BMPR1B: variants seen among roughly 807,000 people sequenced by gnomAD.
The protein encoded by BMPR1B is bone morphogenetic protein receptor type-1B.
BMPR1B carries 12 observed loss-of-function variants against 59.1 expected under a neutral mutation model. The observed-to-expected ratio is 0.20, with a 90% CI of 0.13 to 0.33. BMPR1B has a LOEUF of 0.33. Ranked by LOEUF, BMPR1B falls within the 10% of genes least tolerant of loss-of-function variation. The pLI, the probability that BMPR1B is intolerant of heterozygous loss-of-function variation, is 1.00. For missense variants in BMPR1B, 550 were observed against 610.9 expected (o/e 0.90, Z 1.05); for synonymous variants, 237 against 207.3 (o/e 1.14, Z -1.23).
intron 12 of BMPR1B, among the ~76,000 whole-genome samples, chr4:95,154,003 A>G (rs1393145931): frequency 5.3e-5 from 8 of 152,206 alleles, no homozygotes; most frequent in Non-Finnish European, 1.2e-4. Context: ...GTGTTACTTG[A>G]TATCTCTTCA....
At chr4:94,776,008 A>G (rs960777755) in intron 1 of BMPR1B, among the ~76,000 whole-genome samples, 2 of 151,584 alleles carry the variant, frequency 1.3e-5, no homozygotes, top group African/African-American at 4.8e-5. Context: ...GGAGAATGGC[A>G]TGAACCTGGG....
chr4:94,774,173 G>A (rs1286043565), intron 1 of BMPR1B, among the ~76,000 whole-genome samples: 2 of 151,876 alleles, frequency 1.3e-5, no homozygotes, highest in African/African-American at 4.8e-5. Context: ...CCTATGACAC[G>A]TCAGTATTTG....
chr4:94,763,384 T>C (rs1721852241), intron 1 of BMPR1B, among the ~76,000 whole-genome samples: 1 of 151,998 alleles, frequency 6.6e-6, no homozygotes, highest in Non-Finnish European at 1.5e-5. Context: ...AGGCATTCAG[T>C]AAATAGTTGT....
Position 95,005,715 on chromosome 4 carries a change from AT to A in BMPR1B, c.-18+9591del, listed in dbSNP as rs566685670. Among the ~76,000 whole-genome samples the A allele has an allele frequency of 3.3e-3, 498 of 149,744 alleles. 3 individuals carry two copies. The highest frequency in any genetic ancestry group is 0.012 in the African/African-American group (483 of 40,824). On this transcript the variant is annotated intron_variant, in intron 3 of 12. Transcript: ENST00000515059. ...TTCTGTTATACCAAGTTGTTAACTG[AT>A]TTTTTTTTTAAATTTCAACTTTTCC...
At chr4:94,870,718 T>A (rs529406414) in intron 1 of BMPR1B, among the ~76,000 whole-genome samples, 1 of 152,294 alleles carries the variant, frequency 6.6e-6, no homozygotes. Flanking sequence ...TCAGCAAAAA[T>A]TAGCCTCTAT....
chr4:95,046,360 T>A (rs1726062114), intron 3 of BMPR1B, among the ~76,000 whole-genome samples: 1 of 152,210 alleles, frequency 6.6e-6, no homozygotes, highest in African/African-American at 2.4e-5. Context: ...AAGCTTTTCA[T>A]GTGAGAGGCA....
At chr4:94,953,069 C>A (rs1730008799) in intron 2 of BMPR1B, among the ~76,000 whole-genome samples, 1 of 152,108 alleles carries the variant, frequency 6.6e-6, no homozygotes, top group Admixed American at 6.6e-5. Flanking sequence ...TTATCAGAGA[C>A]TAGGATTGCA....
chr4:95,072,717 T>C (rs1243411099), intron 3 of BMPR1B, among the ~76,000 whole-genome samples: 1 of 152,194 alleles, frequency 6.6e-6, no homozygotes, highest in African/African-American at 2.4e-5. Flanking sequence ...TTTATCCTTT[T>C]TACATTTTGT....
chr4:95,025,300 A>G (rs1166210229), intron 3 of BMPR1B, among the ~76,000 whole-genome samples: 8 of 151,984 alleles, frequency 5.3e-5, no homozygotes, highest in African/African-American at 1.9e-4. Flanking sequence ...AAATTGGGAG[A>G]TGTTAGGCAG....
At chr4:95,118,804 A>G (rs1732258697) in intron 6 of BMPR1B, among the ~76,000 whole-genome samples, 1 of 152,210 alleles carries the variant, frequency 6.6e-6, no homozygotes, top group South Asian at 2.1e-4. Flanking sequence ...CAGCAGAAAC[A>G]AAAGGTTTAT....
At chr4:95,132,556 A>G (rs112051656) in intron 10 of BMPR1B, among the ~76,000 whole-genome samples, 1 of 152,242 alleles carries the variant, frequency 6.6e-6, no homozygotes, top group Non-Finnish European at 1.5e-5. Flanking sequence ...TGGGCTATAG[A>G]TTTAAGTTAG....
chr4:94,809,887 A>T (rs1723747692), intron 1 of BMPR1B, among the ~76,000 whole-genome samples: 1 of 152,266 alleles, frequency 6.6e-6, no homozygotes. Flanking sequence ...GAGAGGCCTT[A>T]GATGGCAGTT....
intron 3 of BMPR1B, among the ~76,000 whole-genome samples, chr4:95,002,401 C>A (rs920346246): frequency 1.3e-5 from 2 of 151,990 alleles, no homozygotes; most frequent in Non-Finnish European, 2.9e-5. Context: ...CTAGGTCGAC[C>A]CCATGTCTTT....
chr4:95,090,022 C>T (rs1399115595), intron 3 of BMPR1B, among the ~76,000 whole-genome samples: 1 of 151,988 alleles, frequency 6.6e-6, no homozygotes, highest in East Asian at 1.9e-4. Flanking sequence ...CAGGGTGTTA[C>T]TCGGAAATTG....
chr4:94,948,546 G>A (rs1729804586), intron 2 of BMPR1B, among the ~76,000 whole-genome samples: 1 of 152,044 alleles, frequency 6.6e-6, no homozygotes. Flanking sequence ...TAAAAGCAAG[G>A]AAAAAGGAAA....
intron 4 of BMPR1B, among the ~76,000 whole-genome samples, chr4:95,109,670 G>A (rs538548640): frequency 2.0e-5 from 3 of 149,148 alleles, no homozygotes; most frequent in African/African-American, 7.4e-5. Flanking sequence ...GCACCTAAGA[G>A]AATGGTGGGT....
At chr4:94,936,152 G>T (rs1056047993) in intron 2 of BMPR1B, among the ~76,000 whole-genome samples, 4 of 152,140 alleles carry the variant, frequency 2.6e-5, no homozygotes, top group Admixed American at 1.3e-4. Flanking sequence ...TGGTATTCAT[G>T]CTGTGGAGCT....
At chr4:95,094,881 G>A (rs952960994) in intron 3 of BMPR1B, among the ~76,000 whole-genome samples, 20 of 151,956 alleles carry the variant, frequency 1.3e-4, no homozygotes, top group African/African-American at 4.3e-4. Flanking sequence ...AAAGATTCCT[G>A]TGTAGGTAAC....
intron 1 of BMPR1B, among the ~76,000 whole-genome samples, chr4:94,856,977 A>G (rs1725781427): frequency 6.6e-6 from 1 of 152,234 alleles, no homozygotes; most frequent in South Asian, 2.1e-4. Flanking sequence ...GGAAGATTGC[A>G]AGGAACACTA....
Sources: allele counts gnomAD v4.1 joint callset (sites outside exome capture counted in the v4.1 genomes callset), GRCh38; gene constraint gnomAD v4.1.1; transcripts MANE v1.5; gene names NCBI Gene and HGNC (gene_info 2026-07-23, HGNC 2026-07-21).